The following WWC2 variants were observed in gnomAD, a reference collection of about 807,000 sequenced individuals.
WWC2 encodes the protein protein WWC2.
WWC2 carries 101 observed loss-of-function variants against 138.5 expected under a neutral mutation model. The observed-to-expected ratio is 0.73, with a 90% CI of 0.62 to 0.86. WWC2 has a LOEUF of 0.86. Ranked by LOEUF, WWC2 falls within the 40% of genes least tolerant of loss-of-function variation. The probability of loss-of-function intolerance (pLI) is 0.00; values close to 1 mark genes in which losing one functional copy is unlikely to be tolerated. For missense variants in WWC2, 1,420 were observed against 1,419.4 expected (o/e 1.00, Z -0.01); for synonymous variants, 558 against 538.4 (o/e 1.04, Z -0.50).
At chr4:183,274,990 C>G (rs1444811116) in intron 16 of WWC2, among the ~76,000 whole-genome samples, 1 of 152,100 alleles carries the variant, frequency 6.6e-6, no homozygotes, top group South Asian at 2.1e-4. Flanking sequence ...TTACAGTCAC[C>G]TTACTGGGCA....
At chr4:183,099,999 G>A (rs999987382) in intron 1 of WWC2, among the ~76,000 whole-genome samples, 2 of 152,234 alleles carry the variant, frequency 1.3e-5, no homozygotes, top group African/African-American at 2.4e-5. Context: ...GTGGGCTAGG[G>A]CCTCACTGCC....
rs377008362 is a variant in WWC2, at chr4:183,320,017, C to G, written c.*4288C>G. 4.3e-6 allele frequency: 7 copies of G among 1,613,824 alleles called. No individual in the cohort carries two copies. In the African/African-American group the frequency reaches 9.3e-5, roughly 22 times the overall value. ...TCAGCAGGCAAAGCCAGGAAGGAGT[C>G]AAAGTCCTTGCATTGCATCCCCACT... On this transcript the variant is annotated 3_prime_UTR_variant, in exon 23 of 23. Coordinates refer to ENST00000403733, the MANE Select transcript of WWC2 (RefSeq NM_024949.6).
In WWC2 at chr4:183,154,367, G is replaced by A. The variant is rs538739242; in HGVS notation, c.132-39232G>A. ...GCATCCAGCGATACCTGCTCAACAT[G>A]TGTTAGTGTGATGACCTTAAGTTGT... On this transcript the variant is annotated intron_variant, in intron 1 of 22. Coordinates refer to ENST00000403733, the MANE Select transcript of WWC2 (RefSeq NM_024949.6). Among the ~76,000 whole-genome samples the A allele has an allele frequency of 6.0e-4, 91 of 152,296 alleles. 1 individual carries two copies. The highest frequency in any genetic ancestry group is 3.3e-3 in the East Asian group (17 of 5,174).
intron 4 of WWC2, among the ~76,000 whole-genome samples, chr4:183,213,647 CT>C (rs1241744694): frequency 6.6e-5 from 10 of 152,094 alleles, no homozygotes; most frequent in Non-Finnish European, 1.2e-4. Flanking sequence ...CTTGTTTCCT[CT>C]TTGGTCAAAT....
At chr4:183,256,399 G>T (rs1737141193) in intron 9 of WWC2, among the ~76,000 whole-genome samples, 1 of 152,116 alleles carries the variant, frequency 6.6e-6, no homozygotes, top group South Asian at 2.1e-4. Flanking sequence ...TCTGGCTTTG[G>T]GTTTTGCTGT....
intron 1 of WWC2, among the ~76,000 whole-genome samples, chr4:183,155,440 A>G (rs554210594): frequency 1.2e-4 from 18 of 152,314 alleles, no homozygotes; most frequent in African/African-American, 4.3e-4. Context: ...TCTTTATGTT[A>G]TAAATATCTT....
rs542173935 is a variant in WWC2, at chr4:183,268,463, C to T, written c.2208-508C>T. 7.2e-4 allele frequency among the ~76,000 whole-genome samples: 109 copies of T among 152,246 alleles called. 1 individual carries two copies. Among genetic ancestry groups the T allele is most frequent in the African/African-American group, 2.4e-3 (100 of 41,554 alleles). Reference sequence around the variant, plus strand: ...CGTTGTTTCATCTGTTTTAAATTTTCTTAACAATATGCTACTGAGCCTTTC... The same window carrying T: ...CGTTGTTTCATCTGTTTTAAATTTTTTTAACAATATGCTACTGAGCCTTTC... On this transcript the variant is annotated intron_variant, in intron 14 of 22. Coordinates refer to ENST00000403733, the MANE Select transcript of WWC2 (RefSeq NM_024949.6).
chr4:183,250,052 C>G, intron 8 of WWC2, 59 bp downstream of exon 8: 1 of 1,489,264 alleles, frequency 6.7e-7, no homozygotes, highest in Middle Eastern at 1.7e-4. Flanking sequence ...CAGAATTAAT[C>G]TTTACTCCTG....
At chr4:183,311,810 C>G (rs1321047608) in intron 21 of WWC2, among the ~76,000 whole-genome samples, 1 of 152,048 alleles carries the variant, frequency 6.6e-6, no homozygotes, top group Non-Finnish European at 1.5e-5. Flanking sequence ...ATCTCCTGAC[C>G]TCGTGATCCG....
At chr4:183,257,156 C>T (rs1485666208) in intron 9 of WWC2, among the ~76,000 whole-genome samples, 1 of 152,128 alleles carries the variant, frequency 6.6e-6, no homozygotes, top group African/African-American at 2.4e-5. Flanking sequence ...TAACATTGCT[C>T]CTTGTTTTAT....
At chr4:183,105,858 C>A (rs1052076219) in intron 1 of WWC2, among the ~76,000 whole-genome samples, 5 of 150,648 alleles carry the variant, frequency 3.3e-5, no homozygotes, top group African/African-American at 1.2e-4. Context: ...CCAATGCACT[C>A]CAGCCTGGGT....
At chr4:183,182,089 T>G (rs796799441) in intron 1 of WWC2, among the ~76,000 whole-genome samples, 1 of 152,180 alleles carries the variant, frequency 6.6e-6, no homozygotes, top group African/African-American at 2.4e-5. Flanking sequence ...ACACATCACA[T>G]TGTTAACTGG....
At chr4:183,233,042 A>C (rs1325665653) in intron 4 of WWC2, among the ~76,000 whole-genome samples, 1 of 151,228 alleles carries the variant, frequency 6.6e-6, no homozygotes, top group South Asian at 2.1e-4. Flanking sequence ...TACATGTACA[A>C]GTGTTTGTGT....
At chr4:183,211,591 T>G (rs1303196180) in intron 4 of WWC2, among the ~76,000 whole-genome samples, 1 of 152,108 alleles carries the variant, frequency 6.6e-6, no homozygotes, top group Non-Finnish European at 1.5e-5. Context: ...CTCTTCAAAA[T>G]CCCAGTTGAA....
intron 17 of WWC2, among the ~76,000 whole-genome samples, chr4:183,282,333 C>G (rs556390294): frequency 9.2e-5 from 14 of 152,254 alleles, no homozygotes; most frequent in South Asian, 4.2e-4. Flanking sequence ...TATTCACTGT[C>G]ATATGATTAA....
intron 16 of WWC2, among the ~76,000 whole-genome samples, chr4:183,273,483 T>C (rs1737760001): frequency 1.3e-5 from 2 of 152,108 alleles, no homozygotes; most frequent in Admixed American, 6.6e-5. Flanking sequence ...TTTGTATTTT[T>C]AGTAGAGACG....
chr4:183,226,029 G>A (rs994610941), intron 4 of WWC2, among the ~76,000 whole-genome samples: 3 of 151,290 alleles, frequency 2.0e-5, no homozygotes, highest in African/African-American at 7.3e-5. Context: ...AGCTAAGTTA[G>A]AAGTCAATAA....
chr4:183,114,686 A>G (rs898372685), intron 1 of WWC2, among the ~76,000 whole-genome samples: 1 of 151,520 alleles, frequency 6.6e-6, no homozygotes, highest in African/African-American at 2.4e-5. Context: ...TTTTCTTCCA[A>G]CGTTTATTTC....
intron 4 of WWC2, among the ~76,000 whole-genome samples, chr4:183,237,785 A>G (rs1228717466): frequency 6.6e-6 from 1 of 152,164 alleles, no homozygotes; most frequent in African/African-American, 2.4e-5. Flanking sequence ...TGAGTATTAC[A>G]CCGCTCTTGT....
Sources: allele counts gnomAD v4.1 joint callset (sites outside exome capture counted in the v4.1 genomes callset), GRCh38; gene constraint gnomAD v4.1.1; transcripts MANE v1.5; gene names NCBI Gene and HGNC (gene_info 2026-07-23, HGNC 2026-07-21).